TRPM4: variants seen among roughly 807,000 people sequenced by gnomAD.
TRPM4 encodes calcium-activated non-selective cation channel 1.
Under a neutral mutation model 135.6 loss-of-function variants are expected in TRPM4, and 124 were observed. The observed-to-expected ratio is 0.91, with a 90% confidence interval of 0.79 to 1.06. The LOEUF (loss-of-function observed/expected upper bound fraction) is 1.06. Ranked by LOEUF, TRPM4 falls within the 50% of genes least tolerant of loss-of-function variation. The probability of loss-of-function intolerance (pLI) is 0.00; values close to 1 mark genes in which losing one functional copy is unlikely to be tolerated. For synonymous variants in TRPM4, 745 were observed against 705.6 expected (o/e 1.06, Z -0.88); for missense variants, 1,658 against 1,671.4 (o/e 0.99, Z 0.14).
At chr19:49,208,753 T>C (rs1969242285) in intron 20 of TRPM4, among the ~76,000 whole-genome samples, 1 of 152,128 alleles carries the variant, frequency 6.6e-6, no homozygotes, top group African/African-American at 2.4e-5. Context: ...CCTTGGCACC[T>C]GGGTGGCTTG....
At chr19:49,205,715 T>C (rs201091703) in intron 20 of TRPM4, among the ~76,000 whole-genome samples, 1 of 151,632 alleles carries the variant, frequency 6.6e-6, no homozygotes, top group Non-Finnish European at 1.5e-5. Context: ...TTTGTATTTT[T>C]AGTAGGGACG....
chr19:49,200,586 C>A (rs762073330), intron 18 of TRPM4, 25 bp from the exon 19 acceptor site: 1 of 1,609,802 alleles, frequency 6.2e-7, no homozygotes, highest in South Asian at 1.1e-5. Flanking sequence ...AGGGCGGGGC[C>A]AGACTCAGCC....
At chr19:49,161,219 AGG>A (rs1242736907) in intron 2 of TRPM4, among the ~76,000 whole-genome samples, 1 of 151,878 alleles carries the variant, frequency 6.6e-6, no homozygotes, top group Non-Finnish European at 1.5e-5. Context: ...GTGTAAAGTC[AGG>A]GGAGTTGCAA....
intron 12 of TRPM4, among the ~76,000 whole-genome samples, chr19:49,183,765 TTTTC>T (rs1342776563): frequency 7.8e-6 from 1 of 128,214 alleles, no homozygotes; most frequent in East Asian, 2.1e-4. Context: ...GTGAATTTCT[TTTTC>T]TTTTTCTTTT....
rs376224060 is a variant in TRPM4, at chr19:49,208,786, C to T, written c.3132-1423C>T. Among the ~76,000 whole-genome samples the T allele has an allele frequency of 8.5e-5, 13 of 152,072 alleles. No homozygotes were observed. In the East Asian group the frequency reaches 1.7e-3, roughly 20 times the overall value. On this transcript the variant is annotated intron_variant, in intron 20 of 24. Transcript: ENST00000252826. ...TTGCCGCCCACACATGGTGAAACCC[C>T]ATCTTTACTAAAAATACAAAAAGTT...
chr19:49,171,859 C>A lies in TRPM4; in HGVS notation c.1050+90C>A. On this transcript the variant is annotated intron_variant, in intron 8 of 24. Coordinates refer to ENST00000252826, the MANE Select transcript of TRPM4 (RefSeq NM_017636.4). The surrounding 1 kb of genome is among the most constrained non-coding windows in gnomAD (Gnocchi z 4.7). ...GGTCTGAGGGAGGAGGGGCTGGGGG[C>A]CTGGACTTCCAGGTTCCGGGAGAAG... The A allele has an allele frequency of 6.8e-7, 1 of 1,468,168 alleles. No homozygotes were observed. The highest frequency in any genetic ancestry group is 9.4e-7 in the Non-Finnish European group (1 of 1,062,422). The allele number at this position is 1,468,168 out of a possible 1,614,324, so 90.9% of individuals were successfully genotyped here.
At position 49,210,634 on chromosome 19, in the gene TRPM4, C is replaced by T; in HGVS notation, c.3329-76C>T. The T allele has an allele frequency of 3.7e-6, 6 of 1,608,630 alleles. No homozygotes were observed. The highest frequency in any genetic ancestry group is 5.1e-6 in the Non-Finnish European group (6 of 1,176,344). Reference sequence around the variant, plus strand: ...CTGGGTCTGGGATAGCGTGCGTGTTCTGAGGGTGTCGGAAGGGGCAGCTGG... The same window carrying T: ...CTGGGTCTGGGATAGCGTGCGTGTTTTGAGGGTGTCGGAAGGGGCAGCTGG... On this transcript the variant is annotated intron_variant, in intron 21 of 24. Transcript: ENST00000252826. This position sits in a 1 kb window ranked among gnomAD's most constrained non-coding sequence, Gnocchi z 4.1.
At chr19:49,181,656 C>T (rs371130078) in intron 10 of TRPM4, among the ~76,000 whole-genome samples, 195 bp downstream of exon 10, 53 of 151,646 alleles carry the variant, frequency 3.5e-4, no homozygotes, top group African/African-American at 9.0e-4. Flanking sequence ...CTCAGCCTCC[C>T]GAGTAGCTGG....
At chr19:49,166,798 T>TTCCCCTTTTCTCTGTG (rs2122786917) in intron 3 of TRPM4, among the ~76,000 whole-genome samples, 1 of 127,844 alleles carries the variant, frequency 7.8e-6, no homozygotes, top group Admixed American at 7.9e-5. Flanking sequence ...GGGCCTCTGT[T>TTCCCCTTTTCTCTGTG]TCCCCTTTTC....
intron 2 of TRPM4, among the ~76,000 whole-genome samples, chr19:49,164,794 G>A (rs1967112221): frequency 2.0e-5 from 3 of 151,396 alleles, no homozygotes; most frequent in Admixed American, 2.0e-4. Context: ...GCAGTGGCGT[G>A]GTCACAGCTC....
At chr19:49,177,311 G>A (rs967051441) in intron 9 of TRPM4, among the ~76,000 whole-genome samples, 1 of 151,468 alleles carries the variant, frequency 6.6e-6, no homozygotes, top group Non-Finnish European at 1.5e-5. Context: ...AAGAAAGAAG[G>A]GCAAGGTCAT....
Position 49,190,258 on chromosome 19 carries a change from C to A in TRPM4, c.2070C>A (p.Ile690=), listed in dbSNP as rs1344700732. 6.2e-7 allele frequency: 1 copy of A among 1,614,242 alleles called. No individual in the cohort carries two copies. The highest frequency in any genetic ancestry group is 1.7e-5 in the Admixed American group (1 of 60,022). Reference sequence around the variant, plus strand: ...GAGATATGGCCAGCACTACACCCATCTGGGCCCTGGTTCTCGCCTTCTTTT... The same window carrying A: ...GAGATATGGCCAGCACTACACCCATATGGGCCCTGGTTCTCGCCTTCTTTT... ...WWGDMASTTP[I]WALVLAFFCP... is the part of the protein sequence containing the mutation. The change falls in exon 15 of 25, where the codon ATC becomes ATA. Residue 690 remains isoleucine (I), a synonymous_variant. Transcript: ENST00000252826.
In TRPM4 at chr19:49,183,205, G is replaced by A; in HGVS notation, c.1736G>A (p.Trp579Ter). The A allele has an allele frequency of 6.2e-7, 1 of 1,614,118 alleles. No homozygotes were observed. Among genetic ancestry groups the A allele is most frequent in the Admixed American group, 1.7e-5 (1 of 60,024 alleles). Residue 579 changes from tryptophan (W) to a stop codon, truncating the protein, a stop_gained, in exon 12 of 25, where the codon TGG becomes TAG. Transcript: ENST00000252826. LOFTEE classifies it high-confidence loss of function. Reference protein sequence around the residue: ...LNRAQMAMYFWEMGSNAVSSA... With the variant: ...LNRAQMAMYF ...AGGGCACAGATGGCCATGTACTTCT[G>A]GGAGATGGTGAGTGCTGACTTGGCG... is the stretch of plus-strand genomic sequence containing the variant.
At chr19:49,168,862 CATT>C in intron 6 of TRPM4, 126 bp downstream of exon 6, 1 of 1,076,084 alleles carries the variant, frequency 9.3e-7, no homozygotes, top group Non-Finnish European at 1.4e-6. Context: ...CTTTCCCCGT[CATT>C]ATTCATGGTT....
At chr19:49,197,308 T>TTC (rs1161813900) in intron 17 of TRPM4, among the ~76,000 whole-genome samples, 1,537 of 122,198 alleles carry the variant, frequency 0.013, 15 homozygotes, top group East Asian at 0.031. Context: ...CTTTCTTTCT[T>TTC]TTTCTTTCTT....
At chr19:49,186,727 G>T (rs1035604550) in intron 12 of TRPM4, among the ~76,000 whole-genome samples, 1 of 152,044 alleles carries the variant, frequency 6.6e-6, no homozygotes, top group Non-Finnish European at 1.5e-5. Flanking sequence ...CAAAAAATTA[G>T]CCTGGCATGG....
In TRPM4 at chr19:49,210,334, G is replaced by C. The variant is rs768040848; in HGVS notation, c.3257G>C (p.Arg1086Pro). 1.2e-6 allele frequency: 2 copies of C among 1,614,062 alleles called. No homozygotes were observed. Among genetic ancestry groups the C allele is most frequent in the South Asian group, 1.1e-5 (1 of 91,088 alleles). Residue 1086 changes from arginine to proline, a missense_variant, in exon 21 of 25, where the codon CGC becomes CCC. Physicochemically the swap from Arg to Pro is moderately radical, Grantham distance 103. This residue lies in a region of TRPM4 where 1,412 missense variants were observed against 1,408.7 expected (regional missense o/e 1.00). Coordinates refer to ENST00000252826, the MANE Select transcript of TRPM4 (RefSeq NM_017636.4). The surrounding 1 kb of genome is among the most constrained non-coding windows in gnomAD (Gnocchi z 4.1). ...APPFIVISHL[R>P]LLLRQLCRRP... ...CCCTTTATCGTCATCTCCCACTTGC[G>C]CCTCCTGCTCAGGCAATTGTGCAGG... is the stretch of plus-strand genomic sequence containing the variant.
chr19:49,182,249 CATCT>C (rs1967984085), intron 10 of TRPM4, among the ~76,000 whole-genome samples: 1 of 112,378 alleles, frequency 8.9e-6, no homozygotes, highest in African/African-American at 3.6e-5. Flanking sequence ...TCCATCCATC[CATCT>C]GTCCATCCAT....
At position 49,190,321 on chromosome 19, in the gene TRPM4, G is replaced by T. The variant is rs1366218353; in HGVS notation, c.2132+1G>T. The T allele has an allele frequency of 1.2e-6, 2 of 1,613,954 alleles. No individual in the cohort carries two copies. The highest frequency in any genetic ancestry group is 1.7e-6 in the Non-Finnish European group (2 of 1,179,830). On this transcript the variant is annotated splice_donor_variant, in intron 15 of 24. Coordinates refer to ENST00000252826, the MANE Select transcript of TRPM4 (RefSeq NM_017636.4). LOFTEE classifies it high-confidence loss of function. ...TCTACACCCGCCTCATCACCTTCAG[G>T]TCAGTACCCTGGGGTGAGAGTGGTG... is the stretch of plus-strand genomic sequence containing the variant.
Sources: allele counts gnomAD v4.1 joint callset (sites outside exome capture counted in the v4.1 genomes callset), GRCh38; gene constraint gnomAD v4.1.1; regional missense constraint gnomAD v4.1.1; non-coding constraint Gnocchi (gnomAD v3.1); transcripts MANE v1.5; gene names NCBI Gene and HGNC (gene_info 2026-07-23, HGNC 2026-07-21).